The following NNMT variants were observed in gnomAD, a reference collection of about 807,000 sequenced individuals.
NNMT encodes nicotinamide N-methyltransferase.
Under a neutral mutation model 11.7 loss-of-function variants are expected in NNMT, and 10 were observed. The ratio of observed to expected loss-of-function variants is 0.85; its 90% CI spans 0.53 to 1.45. The LOEUF (loss-of-function observed/expected upper bound fraction) is 1.45, where lower values mean the gene tolerates loss of function less well. Among genes scored for constraint, NNMT ranks in the 40% most tolerant of loss-of-function variants. The probability of loss-of-function intolerance (pLI) is 0.00; values close to 1 mark genes in which losing one functional copy is unlikely to be tolerated. For missense variants in NNMT, 381 were observed against 319.4 expected (o/e 1.19, Z -1.47); for synonymous variants, 143 against 133.8 (o/e 1.07, Z -0.48).
At chr11:114,307,168 C>T (rs971921576) in intron 2 of NNMT, among the ~76,000 whole-genome samples, 2 of 152,174 alleles carry the variant, frequency 1.3e-5, no homozygotes, top group African/African-American at 2.4e-5. Context: ...AAGAAACCTT[C>T]AACTAGCTAT....
chr11:114,300,860 G>C (rs1945431503), intron 2 of NNMT, among the ~76,000 whole-genome samples: 2 of 152,080 alleles, frequency 1.3e-5, no homozygotes, highest in Non-Finnish European at 2.9e-5. Flanking sequence ...TATGCTTGCT[G>C]TTTTGCATGG....
At chr11:114,269,933 T>A (rs555993224) in intron 2 of NNMT, among the ~76,000 whole-genome samples, 109 of 152,274 alleles carry the variant, frequency 7.2e-4, no homozygotes, top group African/African-American at 2.5e-3. Flanking sequence ...AGGTCATAGA[T>A]TTTCCTCTCC....
intron 2 of NNMT, among the ~76,000 whole-genome samples, chr11:114,277,159 G>A (rs891121737): frequency 6.6e-6 from 1 of 151,622 alleles, no homozygotes; most frequent in Non-Finnish European, 1.5e-5. Flanking sequence ...GGAGGTGGAG[G>A]TTGCAGTGAG....
At chr11:114,303,073 TA>T (rs1945454079) in intron 2 of NNMT, among the ~76,000 whole-genome samples, 2 of 152,198 alleles carry the variant, frequency 1.3e-5, no homozygotes, top group Non-Finnish European at 2.9e-5. Flanking sequence ...CCAAACTAAC[TA>T]AGGCTATATT....
chr11:114,270,876 G>A (rs1945164022), intron 2 of NNMT, among the ~76,000 whole-genome samples: 1 of 151,868 alleles, frequency 6.6e-6, no homozygotes, highest in Non-Finnish European at 1.5e-5. Context: ...TCAGGTTCAA[G>A]CAATTCTCCT....
intron 2 of NNMT, among the ~76,000 whole-genome samples, chr11:114,272,915 C>T (rs964138597): frequency 3.9e-5 from 6 of 152,206 alleles, no homozygotes; most frequent in African/African-American, 1.4e-4. Flanking sequence ...CCTCAACCTA[C>T]CTGCCACTGT....
At chr11:114,284,353 C>T (rs949102106) in intron 2 of NNMT, among the ~76,000 whole-genome samples, 13 of 152,320 alleles carry the variant, frequency 8.5e-5, no homozygotes, top group Admixed American at 3.9e-4. Context: ...CTGGACACCT[C>T]GTGGCTGGAC....
chr11:114,283,703 G>C (rs1471860851), intron 2 of NNMT, among the ~76,000 whole-genome samples: 1 of 152,038 alleles, frequency 6.6e-6, no homozygotes, highest in Non-Finnish European at 1.5e-5. Flanking sequence ...TTTTAAAAAA[G>C]CTTATATTCT....
Position 114,266,260 on chromosome 11 carries a change from T to A in NNMT, c.-130+3326T>A, listed in dbSNP as rs182245619. On this transcript the variant is annotated intron_variant, in intron 2 of 4. Transcript: ENST00000535401. ...GTTTCCCTTAGAGCTATAGGCTTAGTATATACTTGGCTTAGTCTACCTTTT... is the reference window on the plus strand; with the variant it reads ...GTTTCCCTTAGAGCTATAGGCTTAGAATATACTTGGCTTAGTCTACCTTTT... Among the ~76,000 whole-genome samples, 499 of 152,268 alleles carry A rather than the reference T, an allele frequency of 3.3e-3. 2 individuals carry two copies. The highest frequency in any genetic ancestry group is 0.011 in the African/African-American group (455 of 41,562).
intron 2 of NNMT, among the ~76,000 whole-genome samples, chr11:114,286,871 G>A (rs1464454170): frequency 6.6e-6 from 1 of 152,184 alleles, no homozygotes; most frequent in Non-Finnish European, 1.5e-5. Flanking sequence ...GCTGCACCAA[G>A]TTACATGCCT....
At chr11:114,267,809 A>G (rs562676369) in intron 2 of NNMT, among the ~76,000 whole-genome samples, 1 of 152,146 alleles carries the variant, frequency 6.6e-6, no homozygotes, top group Non-Finnish European at 1.5e-5. Flanking sequence ...AATTTTTCTC[A>G]TTTAACCTCA....
At chr11:114,285,711 G>A (rs1167546070) in intron 2 of NNMT, among the ~76,000 whole-genome samples, 1 of 152,210 alleles carries the variant, frequency 6.6e-6, no homozygotes, top group Non-Finnish European at 1.5e-5. Context: ...CCTGCCACAA[G>A]GTATGGTTTG....
intron 2 of NNMT, among the ~76,000 whole-genome samples, chr11:114,307,989 T>C (rs1464925429): frequency 6.6e-6 from 1 of 152,020 alleles, no homozygotes; most frequent in African/African-American, 2.4e-5. Context: ...GGGTTAATGC[T>C]TTCTCCCGCC....
chr11:114,311,156 C>T (rs1028381610), intron 2 of NNMT, among the ~76,000 whole-genome samples: 3 of 152,084 alleles, frequency 2.0e-5, no homozygotes, highest in Non-Finnish European at 2.9e-5. Flanking sequence ...TAGGGAGACC[C>T]TGTCTCTATA....
upstream of NNMT, chr11:114,296,234 G>T (rs564474852): frequency 1.3e-5 from 3 of 223,820 alleles, no homozygotes; most frequent in East Asian, 2.7e-4. Context: ...GCTCCCTCTG[G>T]TCTACAATCC....
intron 2 of NNMT, among the ~76,000 whole-genome samples, chr11:114,285,061 A>G (rs1329456919): frequency 6.6e-6 from 1 of 152,016 alleles, no homozygotes; most frequent in African/African-American, 2.4e-5. Context: ...CCTGGCCCCA[A>G]CATGTCTTTT....
intron 2 of NNMT, among the ~76,000 whole-genome samples, chr11:114,273,512 C>A (rs1418939837): frequency 6.6e-6 from 1 of 152,172 alleles, no homozygotes. Flanking sequence ...CCCCATGCTG[C>A]CAAGCAAGAT....
At position 114,265,641 on chromosome 11, in the gene NNMT, T is replaced by C. The variant is rs374927708; in HGVS notation, c.-130+2707T>C. On this transcript the variant is annotated intron_variant, in intron 2 of 4. Coordinates refer to the NNMT transcript ENST00000535401. ...TTTCAGGACCAGCCCAATTCCTGCTTGTGCAAATCTGGGAGACTGAGTGTG... is the reference window on the plus strand; with the variant it reads ...TTTCAGGACCAGCCCAATTCCTGCTCGTGCAAATCTGGGAGACTGAGTGTG... 5.9e-5 allele frequency among the ~76,000 whole-genome samples: 9 copies of C among 152,290 alleles called. No homozygotes were observed. In the East Asian group the frequency reaches 1.7e-3, roughly 29 times the overall value.
At chr11:114,271,389 C>T (rs1763492614) in intron 2 of NNMT, among the ~76,000 whole-genome samples, 1 of 152,146 alleles carries the variant, frequency 6.6e-6, no homozygotes, top group Admixed American at 6.5e-5. Context: ...CCCACCCCAA[C>T]CCCAGTGATG....
Sources: allele counts gnomAD v4.1 joint callset (sites outside exome capture counted in the v4.1 genomes callset), GRCh38; gene constraint gnomAD v4.1.1; transcripts MANE v1.5; gene names NCBI Gene and HGNC (gene_info 2026-07-23, HGNC 2026-07-21).